ASTN2: variants seen among roughly 807,000 people sequenced by gnomAD.
ASTN2 encodes the protein astrotactin 2.
Under a neutral mutation model 139.8 loss-of-function variants are expected in ASTN2, and 54 were observed. The observed-to-expected ratio is 0.39, with a 90% CI of 0.31 to 0.48. The LOEUF is 0.48. ASTN2 is among the 20% of genes least tolerant of loss of function. The probability of loss-of-function intolerance (pLI) is 0.95; values close to 1 mark genes in which losing one functional copy is unlikely to be tolerated. For missense variants in ASTN2, 1,565 were observed against 1,725.1 expected, an observed-to-expected ratio of 0.91 and a Z score of 1.64; for synonymous variants, 756 against 719.5, an observed-to-expected ratio of 1.05 and a Z score of -0.81.
chr9:116,439,193 C>CTTTTTTTTTTTTTTTTT (rs1564277528), intron 22 of ASTN2, among the ~76,000 whole-genome samples: 3 of 102,780 alleles, frequency 2.9e-5, no homozygotes, highest in African/African-American at 1.1e-4. Flanking sequence ...TATTCAAATA[C>CTTTTTTTTTTTTTTTTT]ATTTTTTTTT....
At chr9:117,122,590 G>A (rs756755403) in intron 4 of ASTN2, among the ~76,000 whole-genome samples, 1 of 152,304 alleles carries the variant, frequency 6.6e-6, no homozygotes, top group South Asian at 2.1e-4. Flanking sequence ...TGACTTTGTG[G>A]GGAAAGAGAA....
At chr9:116,704,692 T>A (rs1426298975) in intron 16 of ASTN2, among the ~76,000 whole-genome samples, 2 of 152,158 alleles carry the variant, frequency 1.3e-5, no homozygotes, top group Non-Finnish European at 2.9e-5. Flanking sequence ...CTTGGCCTCT[T>A]AATTGAAAAG....
intron 3 of ASTN2, among the ~76,000 whole-genome samples, chr9:117,193,761 T>C (rs1831413523): frequency 6.6e-6 from 1 of 152,238 alleles, no homozygotes; most frequent in Non-Finnish European, 1.5e-5. Flanking sequence ...AGTCTTGCTT[T>C]TGTTAAAACA....
At chr9:117,005,953 A>C (rs1837342243) in intron 7 of ASTN2, among the ~76,000 whole-genome samples, 2 of 152,112 alleles carry the variant, frequency 1.3e-5, no homozygotes, top group East Asian at 3.9e-4. Context: ...GGAGAACACA[A>C]GTGCAGGCTC....
At chr9:116,586,833 C>CACACAT (rs1554717117) in intron 19 of ASTN2, among the ~76,000 whole-genome samples, 19 of 118,068 alleles carry the variant, frequency 1.6e-4, no homozygotes, top group Non-Finnish European at 2.8e-4. Flanking sequence ...CACATACATA[C>CACACAT]ACACACACAC....
At chr9:116,631,081 AG>A (rs1356386856) in intron 17 of ASTN2, among the ~76,000 whole-genome samples, 57 of 152,230 alleles carry the variant, frequency 3.7e-4, no homozygotes, top group Admixed American at 3.7e-3. Flanking sequence ...ATGGTCAGAG[AG>A]GGGAACTCTT....
rs563186052 is a variant in ASTN2 at position 117,264,992 on chromosome 9, GC to G, written c.630+26333del. Among the ~76,000 whole-genome samples, 578 of 152,262 alleles carry G rather than the reference GC, an allele frequency of 3.8e-3. 5 individuals carry two copies. The highest frequency in any genetic ancestry group is 0.013 in the African/African-American group (561 of 41,562). On this transcript the variant is annotated intron_variant, in intron 2 of 22. Coordinates refer to ENST00000313400, the MANE Select transcript of ASTN2 (RefSeq NM_001365068.1). ...AGAAATGTAGGCTCAGAGAATGAAA[GC>G]TTTTTTCTCTGTTTCAACTAGAAAA... is the stretch of plus-strand genomic sequence containing the variant.
intron 11 of ASTN2, 140 bp downstream of exon 11, chr9:116,863,443 G>A: frequency 9.6e-7 from 1 of 1,040,710 alleles, no homozygotes; most frequent in African/African-American, 1.6e-5. Flanking sequence ...AGGTAGGCTG[G>A]CATACTGAAG....
At chr9:116,782,839 C>G (rs114722410) in intron 13 of ASTN2, among the ~76,000 whole-genome samples, 93 of 152,306 alleles carry the variant, frequency 6.1e-4, no homozygotes, top group African/African-American at 2.2e-3. Context: ...TTAATTTCAT[C>G]TACCTGGAGT....
Position 116,777,218 on chromosome 9 carries a change from G to T in ASTN2, c.2396+28414C>A, listed in dbSNP as rs112993796. On this transcript the variant is annotated intron_variant, in intron 13 of 22. Coordinates refer to ENST00000313400, the MANE Select transcript of ASTN2 (RefSeq NM_001365068.1). Reference sequence around the variant, plus strand: ...GTCTGGAAAAGAATGTGACAGAAGGGCTACTGAGACCCAGACAAGAAATGC... The same window carrying T: ...GTCTGGAAAAGAATGTGACAGAAGGTCTACTGAGACCCAGACAAGAAATGC... 6.5e-3 allele frequency among the ~76,000 whole-genome samples: 987 copies of T among 152,240 alleles called. 9 individuals are homozygous for T. Among genetic ancestry groups the T allele is most frequent in the African/African-American group, 0.022 (905 of 41,528 alleles).
chr9:116,589,174 A>G (rs544759613), intron 19 of ASTN2, among the ~76,000 whole-genome samples: 1 of 152,314 alleles, frequency 6.6e-6, no homozygotes, highest in South Asian at 2.1e-4. Flanking sequence ...TTGCATTAAG[A>G]AAGGTAGGAG....
In ASTN2 at chr9:117,096,072, C is replaced by T. The variant is rs898876577; in HGVS notation, c.1248G>A (p.Glu416=). The part of the protein sequence containing the change: ...DDETQLTFYT[E]QYRSRRRSKG... ...TGCTGCGGCGGCGACTGCGGTACTGCTCCGTGTAGAATGTCAGCTGAGTTT... is the reference window on the plus strand; with the variant it reads ...TGCTGCGGCGGCGACTGCGGTACTGTTCCGTGTAGAATGTCAGCTGAGTTT... Residue 416 remains glutamate (E), a synonymous_variant, in exon 5 of 23, where the codon GAG becomes GAA. Coordinates refer to ENST00000313400, the MANE Select transcript of ASTN2 (RefSeq NM_001365068.1). The T allele has an allele frequency of 1.9e-6, 3 of 1,613,998 alleles. No individual in the cohort carries two copies. Among genetic ancestry groups the T allele is most frequent in the African/African-American group, 2.7e-5 (2 of 74,908 alleles).
chr9:116,832,118 AT>A (rs1205933037), intron 11 of ASTN2, among the ~76,000 whole-genome samples: 2 of 152,042 alleles, frequency 1.3e-5, no homozygotes, highest in Non-Finnish European at 2.9e-5. Flanking sequence ...ATGGGATTGT[AT>A]TTTTTATTTC....
At chr9:117,338,583 T>A (rs970762652) in intron 1 of ASTN2, among the ~76,000 whole-genome samples, 1 of 152,108 alleles carries the variant, frequency 6.6e-6, no homozygotes, top group Non-Finnish European at 1.5e-5. Flanking sequence ...CCCTAACACG[T>A]AGAAGAAAAC....
chr9:116,612,810 C>A (rs1855616786), intron 19 of ASTN2: 1 of 150,592 alleles, frequency 6.6e-6, no homozygotes. Context: ...ATTAAAAGAA[C>A]TAGAGAAGCA....
intron 1 of ASTN2, among the ~76,000 whole-genome samples, chr9:117,372,117 T>C (rs1450054534): frequency 6.6e-6 from 1 of 152,144 alleles, no homozygotes; most frequent in Non-Finnish European, 1.5e-5. Context: ...ATCCTCAATA[T>C]AGAAGCTGTA....
intron 7 of ASTN2, among the ~76,000 whole-genome samples, chr9:116,977,821 A>C (rs1836393640): frequency 6.8e-6 from 1 of 147,468 alleles, no homozygotes; most frequent in South Asian, 2.1e-4. Flanking sequence ...GCTTCAAGTG[A>C]TTCTCCCGTC....
intron 5 of ASTN2, among the ~76,000 whole-genome samples, chr9:117,083,329 C>G (rs148184331): frequency 6.6e-6 from 1 of 152,168 alleles, no homozygotes; most frequent in African/African-American, 2.4e-5. Context: ...ATTTTAATAA[C>G]GCATGACACT....
chr9:116,910,962 C>T (rs1025071259), intron 10 of ASTN2, among the ~76,000 whole-genome samples: 1 of 152,144 alleles, frequency 6.6e-6, no homozygotes, highest in Admixed American at 6.5e-5. Context: ...CTTTATAAAG[C>T]AGCATCTGCC....
Sources: allele counts gnomAD v4.1 joint callset (sites outside exome capture counted in the v4.1 genomes callset), GRCh38; gene constraint gnomAD v4.1.1; transcripts MANE v1.5; gene names NCBI Gene and HGNC (gene_info 2026-07-23, HGNC 2026-07-21).